Variants in TBC1D9 observed in about 807,000 individuals in gnomAD.
TBC1D9 encodes TBC1 domain family member 9A.
TBC1D9 carries 63 observed loss-of-function variants against 132.0 expected under a neutral mutation model. That is an observed-to-expected ratio of 0.48 (90% confidence interval 0.39 to 0.59). The LOEUF is 0.59. TBC1D9 is among the 20% of genes least tolerant of loss of function. The pLI is 0.00. For missense variants in TBC1D9, 1,261 were observed against 1,592.7 expected (o/e 0.79, Z 3.54); for synonymous variants, 610 against 609.9 (o/e 1.00, Z 0.00).
At chr4:140,636,990 C>T (rs911089677) in intron 15 of TBC1D9, among the ~76,000 whole-genome samples, 5 of 152,242 alleles carry the variant, frequency 3.3e-5, no homozygotes, top group African/African-American at 1.2e-4. Flanking sequence ...AGCATATTCT[C>T]AGGGTTCAAA....
Position 140,687,321 on chromosome 4 carries a change from A to ATATGTGTGTG in TBC1D9, c.242-860_242-859insCACACACATA, listed in dbSNP as rs1553970627. ...ATATATATGTGTGCCATATATATAT[A>ATATGTGTGTG]TGTGTGTGTGTGTGTGTGTGTCATA... is the stretch of plus-strand genomic sequence containing the variant. On this transcript the variant is annotated intron_variant, in intron 2 of 20. Transcript: ENST00000442267. 8.2e-5 allele frequency among the ~76,000 whole-genome samples: 8 copies of ATATGTGTGTG among 97,444 alleles called. 1 individual carries two copies. The highest frequency in any genetic ancestry group is 2.4e-4 in the Admixed American group (2 of 8,250). 63.9% of individuals were successfully genotyped at this position (97,444 alleles called of 152,430 possible).
intron 3 of TBC1D9, among the ~76,000 whole-genome samples, chr4:140,681,758 G>A (rs1737705710): frequency 6.6e-6 from 1 of 152,144 alleles, no homozygotes; most frequent in African/African-American, 2.4e-5. Context: ...GGCTCTCAGT[G>A]AAAGAGAAAA....
intron 18 of TBC1D9, among the ~76,000 whole-genome samples, chr4:140,626,809 C>T (rs1736715835): frequency 6.6e-6 from 1 of 152,154 alleles, no homozygotes; most frequent in Admixed American, 6.5e-5. Context: ...GTAGGTCATA[C>T]TGTCTCTGTT....
chr4:140,702,312 G>A (rs777806617), intron 1 of TBC1D9, among the ~76,000 whole-genome samples: 19 of 152,216 alleles, frequency 1.2e-4, no homozygotes, highest in Non-Finnish European at 2.4e-4. Context: ...AAGCCTGAAT[G>A]TTCAGCAAAA....
At chr4:140,723,191 G>GT (rs1200171423) in intron 1 of TBC1D9, among the ~76,000 whole-genome samples, 2 of 152,118 alleles carry the variant, frequency 1.3e-5, no homozygotes, top group Non-Finnish European at 2.9e-5. Context: ...AGGACCCTGG[G>GT]TAACCTGCAT....
Position 140,659,568 on chromosome 4 carries a change from T to C in TBC1D9, c.1921+20A>G. On this transcript the variant is annotated intron_variant, in intron 11 of 20. Coordinates refer to ENST00000442267, the MANE Select transcript of TBC1D9 (RefSeq NM_015130.3). ...TCTTGACGAGACATAGGTTGAAATG[T>C]TAAATGCATCTCCACTTACCCACAA... 2.6e-6 allele frequency: 4 copies of C among 1,515,344 alleles called. No individual in the cohort carries two copies. 93.9% of individuals were successfully genotyped at this position (1,515,344 alleles called of 1,614,324 possible).
chr4:140,622,058 A>C lies in TBC1D9; in HGVS notation c.*137T>G, dbSNP rs1736622277. The C allele has an allele frequency of 4.1e-6, 5 of 1,220,616 alleles. No individual in the cohort carries two copies. The Admixed American group carries it at 1.4e-4, about 35-fold the overall frequency. The allele number at this position is 1,220,616 out of a possible 1,614,324, so 75.6% of individuals were successfully genotyped here. A position where few individuals can be genotyped will look rare whatever the true frequency, so the allele number is the denominator to read the frequency against. On this transcript the variant is annotated 3_prime_UTR_variant, in exon 21 of 21. Coordinates refer to ENST00000442267, the MANE Select transcript of TBC1D9 (RefSeq NM_015130.3). ...TCTCCAACAGTTTTCATTGAATTAC[A>C]TTATGAAAACACTAGGCTTCAAGCC...
chr4:140,679,758 T>C lies in TBC1D9; in HGVS notation c.446A>G (p.His149Arg), dbSNP rs373345722. 2.9e-5 allele frequency: 47 copies of C among 1,613,490 alleles called. No homozygotes were observed. Among genetic ancestry groups the C allele is most frequent in the East Asian group, 8.9e-5 (4 of 44,880 alleles). Residue 149 changes from histidine (H) to arginine (R), a missense_variant, in exon 4 of 21, where the codon CAT becomes CGT. By Grantham distance (29) the His-to-Arg change is conservative. Transcript: ENST00000442267. ...TTCCTCTGGCATCCCAAACAGCCTATGAAATTTCACAATGGCTTCTTTAAA... is the reference window on the plus strand; with the variant it reads ...TTCCTCTGGCATCCCAAACAGCCTACGAAATTTCACAATGGCTTCTTTAAA... ...EKFKEAIVKFHRLFGMPEEEK... is the reference protein window; with the variant it reads ...EKFKEAIVKFRRLFGMPEEEK...
In TBC1D9 at chr4:140,670,785, G is replaced by A; in HGVS notation, c.1201C>T (p.Gln401Ter). The part of the protein sequence containing the change: ...LVQRISDFLQ[Q>*]TTSKIYSDKE... ...TCAGAATATATTTTGGAAGTAGTCT[G>A]TTGCAGGAAATCTGAGATCCTCTGC... Residue 401 changes from glutamine (Q) to a stop codon, truncating the protein, a stop_gained, in exon 7 of 21, where the codon CAG becomes TAG. Coordinates refer to ENST00000442267, the MANE Select transcript of TBC1D9 (RefSeq NM_015130.3). LOFTEE classifies it high-confidence loss of function. The A allele has an allele frequency of 6.2e-7, 1 of 1,613,996 alleles. No individual in the cohort carries two copies. The highest frequency in any genetic ancestry group is 8.5e-7 in the Non-Finnish European group (1 of 1,179,880).
chr4:140,751,749 A>C (rs1415642468), intron 1 of TBC1D9, among the ~76,000 whole-genome samples: 1 of 152,200 alleles, frequency 6.6e-6, no homozygotes, highest in Non-Finnish European at 1.5e-5. Context: ...GTAAGAAAAA[A>C]GACAATCCGG....
At chr4:140,727,274 G>C (rs1171724795) in intron 1 of TBC1D9, among the ~76,000 whole-genome samples, 2 of 152,134 alleles carry the variant, frequency 1.3e-5, no homozygotes, top group Non-Finnish European at 2.9e-5. Context: ...CTCTACTGTG[G>C]ATCTGATTCT....
intron 6 of TBC1D9, among the ~76,000 whole-genome samples, chr4:140,671,239 A>C (rs1737531027): frequency 6.6e-6 from 1 of 152,146 alleles, no homozygotes; most frequent in Non-Finnish European, 1.5e-5. Flanking sequence ...TCACAGGTAG[A>C]GGGATACTAC....
intron 3 of TBC1D9, among the ~76,000 whole-genome samples, chr4:140,684,275 G>A (rs940698927): frequency 6.6e-6 from 1 of 151,550 alleles, no homozygotes; most frequent in Non-Finnish European, 1.5e-5. Flanking sequence ...AGGGAGGTCT[G>A]GTAAGAAATA....
chr4:140,654,001 G>A (rs917697252), intron 13 of TBC1D9, among the ~76,000 whole-genome samples: 2 of 152,208 alleles, frequency 1.3e-5, no homozygotes, highest in Admixed American at 6.5e-5. Context: ...TAGCTTATCT[G>A]CTGTTGAGAA....
chr4:140,748,787 G>T (rs116365903), intron 1 of TBC1D9, among the ~76,000 whole-genome samples: 9 of 152,122 alleles, frequency 5.9e-5, no homozygotes, highest in Non-Finnish European at 1.2e-4. Context: ...GCAGGTCCTC[G>T]CTAAAGGAAA....
intron 1 of TBC1D9, among the ~76,000 whole-genome samples, chr4:140,717,687 T>C (rs1437141409): frequency 6.6e-6 from 1 of 152,126 alleles, no homozygotes; most frequent in Non-Finnish European, 1.5e-5. Context: ...AGAACACAGA[T>C]CAGGGAAACA....
At chr4:140,653,718 T>C (rs1479958547) in intron 13 of TBC1D9, among the ~76,000 whole-genome samples, 2 of 152,036 alleles carry the variant, frequency 1.3e-5, no homozygotes, top group Non-Finnish European at 2.9e-5. Context: ...ATAAGCAGAG[T>C]AGTGACACTT....
At chr4:140,726,179 C>A (rs1738498318) in intron 1 of TBC1D9, among the ~76,000 whole-genome samples, 1 of 152,036 alleles carries the variant, frequency 6.6e-6, no homozygotes, top group Non-Finnish European at 1.5e-5. Context: ...ATCCCAGCTA[C>A]TTGGGAAGCT....
chr4:140,687,461 C>T (rs1254890144), intron 2 of TBC1D9, among the ~76,000 whole-genome samples: 3 of 145,710 alleles, frequency 2.1e-5, no homozygotes, highest in Admixed American at 1.4e-4. Context: ...TTGATTCACC[C>T]TTCAGGATTC....
Sources: allele counts gnomAD v4.1 joint callset (sites outside exome capture counted in the v4.1 genomes callset), GRCh38; gene constraint gnomAD v4.1.1; transcripts MANE v1.5; gene names NCBI Gene and HGNC (gene_info 2026-07-23, HGNC 2026-07-21).